Variants in EIF4G3 observed in about 807,000 individuals in gnomAD.
The protein encoded by EIF4G3 is eukaryotic translation initiation factor 4 gamma 3, also known as eIF-4-gamma 3.
In EIF4G3, 34 loss-of-function variants were observed where a neutral mutation model predicts 186.4. The observed-to-expected ratio is 0.18, with a 90% CI of 0.14 to 0.24. The LOEUF is 0.24. Ranked by LOEUF, EIF4G3 falls within the 10% of genes least tolerant of loss-of-function variation. The pLI is 1.00. For missense variants in EIF4G3, 1,536 were observed against 1,948.5 expected, an observed-to-expected ratio of 0.79 and a Z score of 3.99; for synonymous variants, 673 against 679.5, an observed-to-expected ratio of 0.99 and a Z score of 0.15.
chr1:20,934,606 A>G (rs962127064), intron 14 of EIF4G3, among the ~76,000 whole-genome samples: 1 of 152,138 alleles, frequency 6.6e-6, no homozygotes, highest in Non-Finnish European at 1.5e-5. Context: ...AGGATTTTCA[A>G]CAGAAAAACC....
intron 14 of EIF4G3, among the ~76,000 whole-genome samples, chr1:20,910,997 T>C (rs968264967): frequency 6.6e-6 from 1 of 152,210 alleles, no homozygotes; most frequent in Admixed American, 6.5e-5. Context: ...AAAGTAAAAC[T>C]TTTAAAGTTG....
rs2077706166 is a variant in EIF4G3, at chr1:20,980,433, G to A, written c.394C>T (p.Pro132Ser). 1.3e-6 allele frequency: 2 copies of A among 1,548,870 alleles called. No individual in the cohort carries two copies. The highest frequency in any genetic ancestry group is 1.7e-6 in the Non-Finnish European group (2 of 1,158,036). ...YCIPQYRHSGPPYVGPPQQYP... is the reference protein window; with the variant it reads ...YCIPQYRHSGSPYVGPPQQYP... Reference sequence around the variant, plus strand: ...TGTTGGGGGGGCCCAACATAAGGAGGGCCACTATGACGGTACTAGAAAAGA... The same window carrying A: ...TGTTGGGGGGGCCCAACATAAGGAGAGCCACTATGACGGTACTAGAAAAGA... Residue 132 changes from proline (P) to serine (S), a missense_variant, in exon 10 of 37, where the codon CCT (proline) becomes TCT (serine). This residue lies in a region of EIF4G3 where 194 missense variants were observed against 212.8 expected (regional missense o/e 0.91). Coordinates refer to ENST00000602326, the MANE Select transcript of EIF4G3 (RefSeq NM_001391906.1).
intron 4 of EIF4G3, among the ~76,000 whole-genome samples, chr1:21,046,012 C>T (rs2093865015): frequency 6.7e-6 from 1 of 149,232 alleles, no homozygotes; most frequent in Non-Finnish European, 1.5e-5. Context: ...AATTATAAAA[C>T]AGTGGTAGGA....
intron 14 of EIF4G3, among the ~76,000 whole-genome samples, chr1:20,908,223 C>T (rs1460326573): frequency 6.6e-6 from 1 of 151,968 alleles, no homozygotes; most frequent in Non-Finnish European, 1.5e-5. Flanking sequence ...TATCCTTTGC[C>T]CACTTTTTGA....
intron 3 of EIF4G3, among the ~76,000 whole-genome samples, chr1:21,052,620 C>G (rs948730495): frequency 6.6e-6 from 1 of 151,936 alleles, no homozygotes; most frequent in Admixed American, 6.6e-5. Context: ...ACGGTCTCCC[C>G]CTGATGCCGA....
intron 4 of EIF4G3, among the ~76,000 whole-genome samples, chr1:21,011,467 C>T (rs2087068432): frequency 6.6e-6 from 1 of 152,138 alleles, no homozygotes; most frequent in Admixed American, 6.6e-5. Flanking sequence ...CCAGAAAAAC[C>T]ACATCGATAC....
intron 16 of EIF4G3, among the ~76,000 whole-genome samples, chr1:20,899,390 A>T (rs931639554): frequency 6.6e-6 from 1 of 152,162 alleles, no homozygotes; most frequent in Non-Finnish European, 1.5e-5. Flanking sequence ...ATCCCTTTCA[A>T]TTAAAACGAA....
chr1:21,105,316 G>A (rs1336504100), intron 2 of EIF4G3, among the ~76,000 whole-genome samples: 2 of 152,110 alleles, frequency 1.3e-5, no homozygotes, highest in Non-Finnish European at 2.9e-5. Context: ...TGTAATCCCA[G>A]CTACTCAGGT....
intron 18 of EIF4G3, among the ~76,000 whole-genome samples, chr1:20,886,636 G>C (rs1031661957): frequency 6.6e-6 from 1 of 152,166 alleles, no homozygotes; most frequent in East Asian, 1.9e-4. Flanking sequence ...TAATGAGAAA[G>C]ACTAGTCCTA....
chr1:21,076,178 T>C (rs904908133), intron 3 of EIF4G3, among the ~76,000 whole-genome samples: 22 of 152,008 alleles, frequency 1.4e-4, no homozygotes, highest in African/African-American at 5.1e-4. Flanking sequence ...TAGAAATCAG[T>C]AACAAAAAGA....
At position 21,176,807 on chromosome 1, in the gene EIF4G3, G is replaced by C. The variant is rs772762282; in HGVS notation, c.-541C>G. 58 of 701,448 alleles carry C rather than the reference G, an allele frequency of 8.3e-5. No homozygotes were observed. The highest frequency in any genetic ancestry group is 5.6e-4 in the Admixed American group (28 of 49,960). The allele number at this position is 701,448 out of a possible 1,614,324, so 43.5% of individuals were successfully genotyped here. On this transcript the variant is annotated 5_prime_UTR_variant, in exon 1 of 37. Coordinates refer to ENST00000602326, the MANE Select transcript of EIF4G3 (RefSeq NM_001391906.1). ...AAGCGGCGCCCTTCTCGGTAGCGGG[G>C]CTCAGGCGATGCCGGTGGATTTTCT...
chr1:21,165,723 A>T (rs922918593), intron 2 of EIF4G3, among the ~76,000 whole-genome samples: 1 of 152,056 alleles, frequency 6.6e-6, no homozygotes, highest in African/African-American at 2.4e-5. Context: ...TCCTTTGGGG[A>T]GTGACAAAAA....
At chr1:21,140,961 T>C (rs2097326977) in intron 2 of EIF4G3, among the ~76,000 whole-genome samples, 1 of 152,208 alleles carries the variant, frequency 6.6e-6, no homozygotes, top group African/African-American at 2.4e-5. Flanking sequence ...TGAGAATGAC[T>C]TAATGAATGT....
Position 20,817,491 on chromosome 1 carries a change from A to G in EIF4G3, c.4416T>C (p.Leu1472=). ...ESDSPCSSEA[L]SKKELSAEEL... is the part of the protein sequence containing the mutation. ...CTTCGGCAGACAGTTCTTTCTTTGAAAGTGCTTCAGAGGAACAGGGACTGT... is the reference window on the plus strand; with the variant it reads ...CTTCGGCAGACAGTTCTTTCTTTGAGAGTGCTTCAGAGGAACAGGGACTGT... Residue 1472 remains leucine, a synonymous_variant, in exon 34 of 37, where the codon CTT becomes CTC. Transcript: ENST00000602326. 6.2e-7 allele frequency: 1 copy of G among 1,608,134 alleles called. No homozygotes were observed. The highest frequency in any genetic ancestry group is 8.5e-7 in the Non-Finnish European group (1 of 1,176,710).
chr1:20,933,632 G>A (rs2095415727), intron 14 of EIF4G3, among the ~76,000 whole-genome samples: 1 of 152,010 alleles, frequency 6.6e-6, no homozygotes, highest in Non-Finnish European at 1.5e-5. Flanking sequence ...CTCCAGCCTG[G>A]GCAACAGAGT....
intron 20 of EIF4G3, among the ~76,000 whole-genome samples, chr1:20,872,341 G>A (rs976302277): frequency 4.6e-5 from 7 of 151,562 alleles, no homozygotes; most frequent in Admixed American, 4.6e-4. Context: ...GCCCAGACTG[G>A]TCTCCAACTC....
chr1:21,146,012 C>T (rs1351646220), intron 2 of EIF4G3, among the ~76,000 whole-genome samples: 1 of 152,022 alleles, frequency 6.6e-6, no homozygotes, highest in Non-Finnish European at 1.5e-5. Flanking sequence ...GGAGGATCAA[C>T]TCAGCCCAGG....
chr1:20,968,447 G>A (rs994164077), intron 12 of EIF4G3, among the ~76,000 whole-genome samples: 1 of 152,080 alleles, frequency 6.6e-6, no homozygotes, highest in Non-Finnish European at 1.5e-5. Context: ...TCCCAAAGTG[G>A]TGGGATTACA....
chr1:21,080,052 G>A (rs780253938), intron 3 of EIF4G3, among the ~76,000 whole-genome samples: 19 of 151,712 alleles, frequency 1.3e-4, no homozygotes, highest in African/African-American at 3.4e-4. Flanking sequence ...TCGGGAGGCC[G>A]AGGCAAGAGA....
Sources: allele counts gnomAD v4.1 joint callset (sites outside exome capture counted in the v4.1 genomes callset), GRCh38; gene constraint gnomAD v4.1.1; regional missense constraint gnomAD v4.1.1; transcripts MANE v1.5; gene names NCBI Gene and HGNC (gene_info 2026-07-23, HGNC 2026-07-21).